GLRA2: variants seen among roughly 807,000 people sequenced by gnomAD.
The protein encoded by GLRA2 is glycine receptor subunit alpha-2.
In GLRA2, 11 loss-of-function variants were observed where a neutral mutation model predicts 31.6. The observed-to-expected ratio is 0.35, with a 90% CI of 0.22 to 0.58. GLRA2 has a LOEUF of 0.58. Among genes scored for constraint, GLRA2 ranks in the 20% least tolerant of loss-of-function variants. The pLI is 0.84. For missense variants in GLRA2, 212 were observed against 351.8 expected (o/e 0.60, Z 3.18); for synonymous variants, 132 against 134.0 (o/e 0.99, Z 0.10).
chrX:14,557,385 G>A (rs1484006185), intron 2 of GLRA2, among the ~76,000 whole-genome samples: 1 of 110,968 alleles, frequency 9.0e-6, no homozygotes, highest in Non-Finnish European at 1.9e-5. Flanking sequence ...AAAGTGCTGG[G>A]ATTACAGGCA....
chrX:14,454,853 A>G, the GLRA2 span, among the ~76,000 whole-genome samples: 3 of 112,244 alleles, frequency 2.7e-5, no homozygotes, highest in African/African-American at 9.7e-5. Flanking sequence ...CTCATTAGAG[A>G]CTATAAATAT....
chrX:14,530,889 G>GTTCC, intron 1 of GLRA2: 1 of 735,850 alleles, frequency 1.4e-6, no homozygotes, highest in Non-Finnish European at 1.7e-6. Context: ...GTGGAAGACT[G>GTTCC]AGCAGAGACA....
At chrX:14,500,781 C>T in the GLRA2 span, among the ~76,000 whole-genome samples, 1 of 111,307 alleles carries the variant, frequency 9.0e-6, no homozygotes, top group East Asian at 2.8e-4. Flanking sequence ...TGGTCTCATC[C>T]TCATATTTTA....
the GLRA2 span, among the ~76,000 whole-genome samples, chrX:14,450,107 G>A: frequency 2.3e-4 from 26 of 111,833 alleles, no homozygotes; most frequent in East Asian, 8.5e-4. Context: ...CCTAGTTGGG[G>A]GAGCGTGAGC....
At chrX:14,510,282 T>C in the GLRA2 span, among the ~76,000 whole-genome samples, 4 of 111,492 alleles carry the variant, frequency 3.6e-5, no homozygotes, top group African/African-American at 1.3e-4. Context: ...ACTGTGGCCT[T>C]CAACAGAAGG....
chrX:14,697,912 T>G (rs778720892), intron 8 of GLRA2, among the ~76,000 whole-genome samples: 25 of 112,523 alleles, frequency 2.2e-4, no homozygotes, highest in Non-Finnish European at 4.3e-4. Context: ...ATAAAACTTT[T>G]TTTTACTTTG....
intron 2 of GLRA2, among the ~76,000 whole-genome samples, chrX:14,538,540 T>C (rs1357122624): frequency 9.0e-6 from 1 of 111,150 alleles, no homozygotes; most frequent in Admixed American, 9.6e-5. Flanking sequence ...TTTCCTTATA[T>C]TAGTTCAGTG....
At chrX:14,543,686 A>G (rs2089439114) in intron 2 of GLRA2, among the ~76,000 whole-genome samples, 1 of 112,022 alleles carries the variant, frequency 8.9e-6, no homozygotes, top group Admixed American at 9.5e-5. Context: ...GTAGTCCATG[A>G]AATGTTCTCT....
intron 8 of GLRA2, among the ~76,000 whole-genome samples, chrX:14,709,504 C>T (rs950233356): frequency 1.2e-4 from 14 of 112,044 alleles, no homozygotes; most frequent in Non-Finnish European, 2.6e-4. Context: ...CTTGGAAATG[C>T]ACTACAGATA....
In GLRA2 at chrX:14,604,407, C is replaced by T. The variant is rs1208503211; in HGVS notation, c.577+10C>T. 9 of 1,058,806 alleles carry T rather than the reference C, an allele frequency of 8.5e-6. No individual in the cohort carries two copies. The highest frequency in any genetic ancestry group is 1.1e-5 in the Non-Finnish European group (8 of 759,883). 87.3% of individuals were successfully genotyped at this position (1,058,806 alleles called of 1,213,427 possible). A position where few individuals can be genotyped will look rare whatever the true frequency, so the allele number is the denominator to read the frequency against. ...ATGCAGCTGGAGAGTTGTAAGTCACCACTGTTGAAATGACTCCCTGCTTGT... is the reference window on the plus strand; with the variant it reads ...ATGCAGCTGGAGAGTTGTAAGTCACTACTGTTGAAATGACTCCCTGCTTGT... On this transcript the variant is annotated intron_variant, in intron 5 of 8. Coordinates refer to ENST00000218075, the MANE Select transcript of GLRA2 (RefSeq NM_002063.4).
At chrX:14,662,610 A>G (rs949585842) in intron 7 of GLRA2, among the ~76,000 whole-genome samples, 1 of 111,826 alleles carries the variant, frequency 8.9e-6, no homozygotes, top group African/African-American at 3.2e-5. Flanking sequence ...CTGAACAAGA[A>G]TAGATTTACA....
intron 2 of GLRA2, among the ~76,000 whole-genome samples, chrX:14,562,471 C>A (rs979746002): frequency 1.8e-5 from 2 of 111,758 alleles, no homozygotes; most frequent in Non-Finnish European, 3.8e-5. Context: ...TGTGTCTGTT[C>A]TAACCTTTCT....
chrX:14,465,171 C>T, the GLRA2 span, among the ~76,000 whole-genome samples: 31 of 111,641 alleles, frequency 2.8e-4, no homozygotes, highest in Non-Finnish European at 4.3e-4. Flanking sequence ...TTTCTTTCAT[C>T]GGTGTTTTGT....
At chrX:14,502,072 T>C in the GLRA2 span, among the ~76,000 whole-genome samples, 14 of 112,086 alleles carry the variant, frequency 1.2e-4, no homozygotes, top group Admixed American at 9.5e-5. Context: ...TCTCCAAATA[T>C]AGTCACATTC....
At chrX:14,692,046 A>G (rs755391811) in intron 8 of GLRA2, among the ~76,000 whole-genome samples, 1 of 111,918 alleles carries the variant, frequency 8.9e-6, no homozygotes, top group Non-Finnish European at 1.9e-5. Context: ...CATTGCTTAT[A>G]TTGAGGAGTT....
upstream of GLRA2, among the ~76,000 whole-genome samples, chrX:14,528,042 A>G (rs951635965): frequency 1.8e-5 from 2 of 112,526 alleles, no homozygotes; most frequent in African/African-American, 6.5e-5. Flanking sequence ...CATTTCATCT[A>G]AAAAGAGATT....
At chrX:14,608,925 C>T (rs1403185429) in intron 6 of GLRA2, 66 bp from the exon 7 acceptor site, 10 of 472,600 alleles carry the variant, frequency 2.1e-5, no homozygotes, top group South Asian at 1.1e-4. Flanking sequence ...TTTTAAACAA[C>T]GTGGGATAAT....
At chrX:14,727,511 TA>T (rs1052754609) in intron 8 of GLRA2, among the ~76,000 whole-genome samples, 3 of 112,144 alleles carry the variant, frequency 2.7e-5, no homozygotes, top group Non-Finnish European at 5.6e-5. Flanking sequence ...AGACTGCCTA[TA>T]ACAAGTCCCC....
At chrX:14,567,179 A>T (rs998745950) in intron 2 of GLRA2, among the ~76,000 whole-genome samples, 12 of 111,605 alleles carry the variant, frequency 1.1e-4, no homozygotes, top group African/African-American at 3.9e-4. Flanking sequence ...CCTTATGAAG[A>T]TGTATTTAAA....
Sources: allele counts gnomAD v4.1 joint callset (sites outside exome capture counted in the v4.1 genomes callset), GRCh38; gene constraint gnomAD v4.1.1; transcripts MANE v1.5; gene names NCBI Gene and HGNC (gene_info 2026-07-23, HGNC 2026-07-21).